Variants in GRIK2 observed in about 807,000 individuals in gnomAD.
The protein encoded by GRIK2 is glutamate ionotropic receptor kainate type subunit 2, also known as glutamate receptor ionotropic, kainate 2.
A neutral mutation model predicts 100.3 loss-of-function variants in GRIK2; 32 were observed. That is an observed-to-expected ratio of 0.32 (90% CI 0.24 to 0.43). The LOEUF is 0.43. Among genes scored for constraint, GRIK2 ranks in the 20% least tolerant of loss-of-function variants. The pLI is 1.00. For synonymous variants in GRIK2, 417 were observed against 389.4 expected (o/e 1.07, Z -0.83); for missense variants, 843 against 1,114.9 (o/e 0.76, Z 3.47).
chr6:101,425,839 T>C (rs9377274), intron 2 of GRIK2, among the ~76,000 whole-genome samples: 7,261 of 152,190 alleles, frequency 0.048, 411 homozygotes, highest in East Asian at 0.3. Flanking sequence ...CTGAGGAGAG[T>C]TCTGTCCTGT....
At chr6:101,570,035 C>A (rs532197039) in intron 2 of GRIK2, among the ~76,000 whole-genome samples, 12 of 152,044 alleles carry the variant, frequency 7.9e-5, no homozygotes. Context: ...AAAATGCAAT[C>A]AAATGGCTAT....
chr6:101,736,728 C>T (rs1028758844), intron 7 of GRIK2, among the ~76,000 whole-genome samples: 2 of 152,132 alleles, frequency 1.3e-5, no homozygotes, highest in African/African-American at 4.8e-5. Context: ...TCTGACATGC[C>T]CTGGAAACAT....
intron 14 of GRIK2, among the ~76,000 whole-genome samples, chr6:101,944,473 C>T (rs569286160): frequency 2.8e-4 from 42 of 152,142 alleles, no homozygotes; most frequent in African/African-American, 1.0e-3. Context: ...TAGAAGATAA[C>T]AAATGTTAAT....
intron 2 of GRIK2, among the ~76,000 whole-genome samples, chr6:101,421,588 A>G (rs1020526068): frequency 3.9e-5 from 6 of 152,190 alleles, no homozygotes; most frequent in Admixed American, 1.3e-4. Flanking sequence ...AAAGAACATT[A>G]CTTTATTGAG....
intron 9 of GRIK2, among the ~76,000 whole-genome samples, chr6:101,808,736 A>G (rs961692655): frequency 1.3e-5 from 2 of 151,970 alleles, no homozygotes; most frequent in Admixed American, 6.6e-5. Context: ...AATTGGCTTT[A>G]TGTATTAATA....
chr6:101,859,623 T>A (rs1784627152), intron 11 of GRIK2, 130 bp downstream of exon 11: 2 of 632,110 alleles, frequency 3.2e-6, no homozygotes, highest in Non-Finnish European at 2.8e-6. Flanking sequence ...AATAATTTTA[T>A]TTAAGCTAGA....
At chr6:101,816,056 A>G (rs998155382) in intron 9 of GRIK2, among the ~76,000 whole-genome samples, 6 of 152,154 alleles carry the variant, frequency 3.9e-5, no homozygotes, top group Non-Finnish European at 7.3e-5. Flanking sequence ...AATTATTTTT[A>G]TAAAAGTAAT....
chr6:101,625,276 G>T (rs1252208604), intron 3 of GRIK2, among the ~76,000 whole-genome samples: 1 of 152,002 alleles, frequency 6.6e-6, no homozygotes, highest in African/African-American at 2.4e-5. Flanking sequence ...GGGAGGCTGA[G>T]GCAGGAGAAT....
intron 7 of GRIK2, among the ~76,000 whole-genome samples, chr6:101,711,110 GC>G (rs993673186): frequency 2.0e-5 from 3 of 151,694 alleles, no homozygotes; most frequent in African/African-American, 7.3e-5. Context: ...TTCTGTGTTG[GC>G]TTTTGTTATT....
intron 2 of GRIK2, among the ~76,000 whole-genome samples, chr6:101,408,524 C>T (rs1386637167): frequency 6.6e-6 from 1 of 151,984 alleles, no homozygotes; most frequent in Non-Finnish European, 1.5e-5. Context: ...AGCCTGAAGA[C>T]CAGCAGACTT....
At chr6:102,006,482 T>C (rs1795247167) in intron 14 of GRIK2, among the ~76,000 whole-genome samples, 1 of 150,422 alleles carries the variant, frequency 6.6e-6, no homozygotes, top group South Asian at 2.1e-4. Flanking sequence ...AATTCTGTCA[T>C]CTCAACCTCT....
rs201476835 is a variant in GRIK2 at position 101,697,460 on chromosome 6, C to G, written c.951+11107C>G. On this transcript the variant is annotated intron_variant, in intron 7 of 16. Coordinates refer to ENST00000369134, the MANE Select transcript of GRIK2 (RefSeq NM_021956.5). ...AGTAGTCTTCTTTTTAAAATGAGCC[C>G]AATTACAATGATTTAAAATGTGCTA... 2.8e-5 allele frequency among the ~76,000 whole-genome samples: 4 copies of G among 144,126 alleles called. No homozygotes were observed. The East Asian group carries it at 8.0e-4, about 29-fold the overall frequency. 94.6% of individuals were successfully genotyped at this position (144,126 alleles called of 152,430 possible).
intron 2 of GRIK2, among the ~76,000 whole-genome samples, chr6:101,402,938 T>C (rs866774810): frequency 1.1e-4 from 16 of 152,200 alleles, no homozygotes; most frequent in Admixed American, 2.6e-4. Context: ...CCACGGCCTC[T>C]AAGCTGAACT....
At chr6:102,030,003 A>C (rs1451524169) in intron 14 of GRIK2, among the ~76,000 whole-genome samples, 2 of 151,272 alleles carry the variant, frequency 1.3e-5, no homozygotes, top group Non-Finnish European at 3.0e-5. Flanking sequence ...TGTGGTGAGA[A>C]TATTTAAGAT....
intron 2 of GRIK2, among the ~76,000 whole-genome samples, chr6:101,429,673 G>A (rs1480027962): frequency 6.6e-6 from 1 of 151,742 alleles, no homozygotes; most frequent in African/African-American, 2.4e-5. Flanking sequence ...AAATGGAGAG[G>A]GTTTTTTTCT....
chr6:102,067,745 G>C (rs1017007194), intron 16 of GRIK2, among the ~76,000 whole-genome samples: 1 of 151,734 alleles, frequency 6.6e-6, no homozygotes, highest in Non-Finnish European at 1.5e-5. Flanking sequence ...GCTATAATTT[G>C]TCATTTCATG....
rs1162316380 is a variant in GRIK2 at position 101,820,201 on chromosome 6, A to G, written c.1317+1718A>G. Among the ~76,000 whole-genome samples the G allele has an allele frequency of 3.3e-5, 5 of 152,270 alleles. No homozygotes were observed. The East Asian group carries it at 9.6e-4, about 29-fold the overall frequency. The stretch of plus-strand genomic sequence containing the variant: ...ATTCATATTATGCTATTCTTATTTC[A>G]TGTGTGCATTATTTTCCCAAATATC... On this transcript the variant is annotated intron_variant, in intron 10 of 16. Transcript: ENST00000369134.
intron 15 of GRIK2, among the ~76,000 whole-genome samples, chr6:102,047,545 C>G (rs936617754): frequency 6.6e-6 from 1 of 151,912 alleles, no homozygotes; most frequent in East Asian, 2.0e-4. Flanking sequence ...GTCAGGAGTT[C>G]GAGACCAGCC....
At chr6:101,513,934 A>T (rs920014760) in intron 2 of GRIK2, among the ~76,000 whole-genome samples, 16 of 152,148 alleles carry the variant, frequency 1.1e-4, no homozygotes, top group Non-Finnish European at 2.2e-4. Flanking sequence ...TAGGGAAAAA[A>T]TGATAAGGTA....
Sources: allele counts gnomAD v4.1 joint callset (sites outside exome capture counted in the v4.1 genomes callset), GRCh38; gene constraint gnomAD v4.1.1; transcripts MANE v1.5; gene names NCBI Gene and HGNC (gene_info 2026-07-23, HGNC 2026-07-21).